The following SNX29 variants were observed in gnomAD, a reference collection of about 807,000 sequenced individuals.
SNX29 encodes the protein sorting nexin-29.
Under a neutral mutation model 102.1 loss-of-function variants are expected in SNX29, and 78 were observed. The ratio of observed to expected loss-of-function variants is 0.76; its 90% confidence interval spans 0.64 to 0.92. SNX29 has a LOEUF of 0.92. Among genes scored for constraint, SNX29 ranks in the 40% least tolerant of loss-of-function variants. The pLI, the probability that SNX29 is intolerant of heterozygous loss-of-function variation, is 0.00. For synonymous variants in SNX29, 580 were observed against 414.5 expected (o/e 1.40, Z -4.85); for missense variants, 1,280 against 1,061.7 (o/e 1.21, Z -2.86).
At chr16:12,264,369 G>T (rs975497551) in intron 14 of SNX29, among the ~76,000 whole-genome samples, 5 of 152,226 alleles carry the variant, frequency 3.3e-5, no homozygotes, top group Admixed American at 3.3e-4. Flanking sequence ...ATTTCCCGAG[G>T]AAGGCTTTGT....
chr16:12,273,066 T>C (rs1423673426), intron 14 of SNX29, among the ~76,000 whole-genome samples: 3 of 152,204 alleles, frequency 2.0e-5, no homozygotes, highest in African/African-American at 7.2e-5. Context: ...GCACGATCTC[T>C]TGATTTCTCT....
At chr16:12,005,519 A>T (rs1165602210) in intron 3 of SNX29, among the ~76,000 whole-genome samples, 1 of 150,206 alleles carries the variant, frequency 6.7e-6, no homozygotes, top group African/African-American at 2.5e-5. Flanking sequence ...ATTAGGAAAG[A>T]CTCCTCCTTC....
rs186751608 is a variant in SNX29, at chr16:12,425,356, A to G, written c.2037+21827A>G. Among the ~76,000 whole-genome samples, 8 of 152,106 alleles carry G rather than the reference A, an allele frequency of 5.3e-5. No homozygotes were observed. In the East Asian group the frequency reaches 1.6e-3, roughly 30 times the overall value. On this transcript the variant is annotated intron_variant, in intron 18 of 20. Transcript: ENST00000566228. ...GATAATCATTAGCTCAACAGATGCC[A>G]TAAGATCAGAGTGCCCCTGAGGCCT...
intron 4 of SNX29, among the ~76,000 whole-genome samples, chr16:12,037,407 G>C (rs1176483101): frequency 6.6e-6 from 1 of 152,118 alleles, no homozygotes; most frequent in Non-Finnish European, 1.5e-5. Context: ...GGCTGAGACT[G>C]GGGTGAGGTT....
intron 15 of SNX29, among the ~76,000 whole-genome samples, chr16:12,288,085 A>T (rs8058627): frequency 6.6e-6 from 1 of 152,092 alleles, no homozygotes; most frequent in Non-Finnish European, 1.5e-5. Context: ...CCACTCAGGA[A>T]GTTGAGGTGG....
intron 20 of SNX29, among the ~76,000 whole-genome samples, chr16:12,539,853 C>G (rs999865359): frequency 6.6e-6 from 1 of 152,160 alleles, no homozygotes. Flanking sequence ...AAGTAAGTGT[C>G]CAAGTATTTT....
Position 12,401,122 on chromosome 16 carries a change from C to A in SNX29, c.1956-2326C>A, listed in dbSNP as rs910052495. ...TTGAGATTACAGGCGTGAGCCACAG[C>A]CCCCGGCCTCAGTACCCCACTTTTA... On this transcript the variant is annotated intron_variant, in intron 17 of 20. Transcript: ENST00000566228. Among the ~76,000 whole-genome samples the A allele has an allele frequency of 4.1e-4, 63 of 152,236 alleles. 1 individual carries two copies. The highest frequency in any genetic ancestry group is 1.5e-3 in the African/African-American group (62 of 41,540).
chr16:12,058,476 T>G (rs1268844121), intron 8 of SNX29, among the ~76,000 whole-genome samples: 3 of 131,362 alleles, frequency 2.3e-5, no homozygotes, highest in East Asian at 2.1e-4. Flanking sequence ...CCCACTGGTG[T>G]TTTTTTTTTT....
At chr16:12,148,244 C>T (rs1329484574) in intron 13 of SNX29, among the ~76,000 whole-genome samples, 2 of 152,220 alleles carry the variant, frequency 1.3e-5, no homozygotes, top group Admixed American at 6.5e-5. Context: ...TGGAATGCCA[C>T]CCATGGAGCT....
chr16:12,012,409 G>A (rs1026649210), intron 3 of SNX29, among the ~76,000 whole-genome samples: 3 of 152,056 alleles, frequency 2.0e-5, no homozygotes, highest in African/African-American at 7.2e-5. Context: ...TATTTCTTTT[G>A]TTTATTTTTT....
intron 15 of SNX29, among the ~76,000 whole-genome samples, chr16:12,283,555 G>A (rs753016039): frequency 5.3e-5 from 8 of 152,076 alleles, no homozygotes; most frequent in East Asian, 3.9e-4. Context: ...TCTTGACTTC[G>A]TGATCCACCC....
intron 4 of SNX29, among the ~76,000 whole-genome samples, chr16:12,032,391 A>G (rs1340641871): frequency 6.6e-6 from 1 of 151,926 alleles, no homozygotes; most frequent in Non-Finnish European, 1.5e-5. Context: ...TATTTTTAGT[A>G]GATACGTGGT....
chr16:12,557,016 C>CACA (rs1555458246), intron 20 of SNX29, among the ~76,000 whole-genome samples: 3 of 11,962 alleles, frequency 2.5e-4, no homozygotes, highest in East Asian at 5.6e-3. Flanking sequence ...GGCTAATTTA[C>CACA]CCCCCCCCCG....
chr16:12,567,313 G>C (rs2079052882), intron 20 of SNX29, among the ~76,000 whole-genome samples: 1 of 152,046 alleles, frequency 6.6e-6, no homozygotes, highest in Non-Finnish European at 1.5e-5. Flanking sequence ...GCAGCACAGA[G>C]GTGCTGCGGA....
intron 18 of SNX29, among the ~76,000 whole-genome samples, chr16:12,475,726 T>C (rs2087562140): frequency 2.0e-5 from 3 of 152,236 alleles, no homozygotes; most frequent in Admixed American, 2.0e-4. Flanking sequence ...ATCACTAGCC[T>C]GGAAAAAACA....
rs147634755 is a variant in SNX29 at position 12,217,629 on chromosome 16, A to T, written c.1678+17946A>T. On this transcript the variant is annotated intron_variant, in intron 14 of 20. Transcript: ENST00000566228. Reference sequence around the variant, plus strand: ...CTTCTCTTAATGTTTCAGCAGTAAGATGGCCAGCTGCTTTTAGTCCCATGC... The same window carrying T: ...CTTCTCTTAATGTTTCAGCAGTAAGTTGGCCAGCTGCTTTTAGTCCCATGC... 4.3e-3 allele frequency among the ~76,000 whole-genome samples: 660 copies of T among 152,318 alleles called. 5 individuals are homozygous for T. The highest frequency in any genetic ancestry group is 0.015 in the African/African-American group (630 of 41,586).
intron 13 of SNX29, among the ~76,000 whole-genome samples, chr16:12,159,625 C>T (rs1016286362): frequency 4.6e-5 from 7 of 152,032 alleles, no homozygotes; most frequent in African/African-American, 1.2e-4. Context: ...TTTGGGGAGC[C>T]GAAGCAGGAG....
chr16:12,478,940 C>G (rs529542089), intron 19 of SNX29, among the ~76,000 whole-genome samples: 1 of 152,232 alleles, frequency 6.6e-6, no homozygotes, highest in South Asian at 2.1e-4. Flanking sequence ...GGTATGTGTT[C>G]AATAGCTTGG....
intron 11 of SNX29, among the ~76,000 whole-genome samples, chr16:12,095,816 AG>A (rs2052743513): frequency 6.6e-6 from 1 of 152,208 alleles, no homozygotes; most frequent in African/African-American, 2.4e-5. Flanking sequence ...ATTGTGAGCC[AG>A]GGCAGAGAGG....
Sources: allele counts gnomAD v4.1 joint callset (sites outside exome capture counted in the v4.1 genomes callset), GRCh38; gene constraint gnomAD v4.1.1; transcripts MANE v1.5; gene names NCBI Gene and HGNC (gene_info 2026-07-23, HGNC 2026-07-21).